Variants in KHDRBS2 observed in about 807,000 individuals in gnomAD.
KHDRBS2 encodes KH domain-containing, RNA-binding, signal transduction-associated protein 2.
Under a neutral mutation model 44.3 loss-of-function variants are expected in KHDRBS2, and 26 were observed. That is an observed-to-expected ratio of 0.59 (90% CI 0.43 to 0.81). The LOEUF is 0.81. KHDRBS2 is among the 40% of genes least tolerant of loss of function. The pLI is 0.00. For missense variants in KHDRBS2, 476 were observed against 433.1 expected, an observed-to-expected ratio of 1.10 and a Z score of -0.88; for synonymous variants, 194 against 151.1, an observed-to-expected ratio of 1.28 and a Z score of -2.08.
chr6:61,573,896 TA>T, the KHDRBS2 span, among the ~76,000 whole-genome samples: 129,491 of 151,862 alleles, frequency 0.85, 55,667 homozygotes, highest in African/African-American at 0.94. Context: ...CTAACTATAC[TA>T]ACTAGTTTAC....
At chr6:62,101,716 G>A (rs1223800915) in intron 2 of KHDRBS2, among the ~76,000 whole-genome samples, 1 of 152,184 alleles carries the variant, frequency 6.6e-6, no homozygotes, top group African/African-American at 2.4e-5. Context: ...GGAAATTAGA[G>A]AATGGATAGA....
chr6:61,848,945 T>G (rs1562296497), intron 6 of KHDRBS2, among the ~76,000 whole-genome samples: 1 of 151,942 alleles, frequency 6.6e-6, no homozygotes, highest in Non-Finnish European at 1.5e-5. Flanking sequence ...GCCGGAAAAA[T>G]TATCCAAATC....
At chr6:61,543,898 G>A in the KHDRBS2 span, among the ~76,000 whole-genome samples, 4 of 151,916 alleles carry the variant, frequency 2.6e-5, no homozygotes, top group African/African-American at 9.7e-5. Context: ...GCTAAAAATC[G>A]AAACAATTGA....
At chr6:61,994,848 A>G (rs12214226) in intron 3 of KHDRBS2, among the ~76,000 whole-genome samples, 31,796 of 151,992 alleles carry the variant, frequency 0.21, 3,451 homozygotes, top group Admixed American at 0.29. Flanking sequence ...GTGAGTAATG[A>G]GAAGGTGCTC....
chr6:61,563,384 G>A, the KHDRBS2 span, among the ~76,000 whole-genome samples: 5 of 152,048 alleles, frequency 3.3e-5, no homozygotes, highest in South Asian at 1.0e-3. Flanking sequence ...GAGTTAGAAG[G>A]TTTTAAACCT....
intron 8 of KHDRBS2, among the ~76,000 whole-genome samples, chr6:61,682,673 A>G (rs1472909434): frequency 6.6e-6 from 1 of 151,924 alleles, no homozygotes; most frequent in Non-Finnish European, 1.5e-5. Context: ...TTACAGAAAA[A>G]GTTTACAGAT....
chr6:61,620,402 G>T, the KHDRBS2 span, among the ~76,000 whole-genome samples: 6 of 152,104 alleles, frequency 3.9e-5, no homozygotes, highest in African/African-American at 1.4e-4. Context: ...TTCCTTTGCT[G>T]AGCCAGAGAG....
At chr6:61,709,048 A>T (rs1415531000) in intron 7 of KHDRBS2, among the ~76,000 whole-genome samples, 1 of 151,698 alleles carries the variant, frequency 6.6e-6, no homozygotes, top group African/African-American at 2.4e-5. Context: ...TGTCTACTTG[A>T]AGTATCAATG....
chr6:62,167,348 G>T (rs1818913501), intron 2 of KHDRBS2, among the ~76,000 whole-genome samples: 1 of 152,010 alleles, frequency 6.6e-6, no homozygotes, highest in South Asian at 2.1e-4. Context: ...CTCAATGTGG[G>T]ATGAAAACAT....
intron 2 of KHDRBS2, among the ~76,000 whole-genome samples, chr6:62,068,733 TA>T (rs1794323831): frequency 6.6e-6 from 1 of 151,594 alleles, no homozygotes; most frequent in Non-Finnish European, 1.5e-5. Flanking sequence ...GTTTTCCCAG[TA>T]CCATTTGTTG....
intron 6 of KHDRBS2, among the ~76,000 whole-genome samples, chr6:61,741,967 A>C (rs1776201675): frequency 6.6e-6 from 1 of 152,032 alleles, no homozygotes; most frequent in African/African-American, 2.4e-5. Flanking sequence ...CAGGCATTAC[A>C]ATAAAATACA....
chr6:61,939,265 T>A (rs1034046962), intron 4 of KHDRBS2, among the ~76,000 whole-genome samples: 2 of 152,152 alleles, frequency 1.3e-5, no homozygotes, highest in Middle Eastern at 3.2e-3. Flanking sequence ...ATAGACACAT[T>A]CAAGTATTCA....
At chr6:61,665,375 C>T in the KHDRBS2 span, among the ~76,000 whole-genome samples, 24 of 151,232 alleles carry the variant, frequency 1.6e-4, no homozygotes, top group African/African-American at 5.3e-4. Flanking sequence ...AGAGGAGTTG[C>T]ATCACTTATA....
intron 2 of KHDRBS2, among the ~76,000 whole-genome samples, chr6:62,151,532 C>G (rs936887759): frequency 2.0e-5 from 3 of 151,920 alleles, no homozygotes; most frequent in Non-Finnish European, 4.4e-5. Context: ...CAAAAGTTAC[C>G]CAAAAAAACC....
intron 3 of KHDRBS2, among the ~76,000 whole-genome samples, chr6:62,019,610 T>C (rs1271742749): frequency 6.6e-6 from 1 of 152,080 alleles, no homozygotes; most frequent in African/African-American, 2.4e-5. Flanking sequence ...TAGTACAAAA[T>C]ATAATTCTTT....
chr6:61,968,458 C>G (rs1188518760), intron 4 of KHDRBS2, among the ~76,000 whole-genome samples: 1 of 151,918 alleles, frequency 6.6e-6, no homozygotes, highest in Non-Finnish European at 1.5e-5. Context: ...AAAGTGAAAA[C>G]AAGAGGTCCC....
chr6:61,689,985 A>T (rs1328819394), intron 8 of KHDRBS2, among the ~76,000 whole-genome samples: 1 of 151,996 alleles, frequency 6.6e-6, no homozygotes, highest in African/African-American at 2.4e-5. Flanking sequence ...AGTCCAGAGC[A>T]TTTAACAATA....
At chr6:62,168,707 G>C (rs146366397) in intron 2 of KHDRBS2, among the ~76,000 whole-genome samples, 24 of 151,938 alleles carry the variant, frequency 1.6e-4, no homozygotes, top group African/African-American at 5.8e-4. Context: ...TTATTCTTTT[G>C]GTATCTGTAA....
At chr6:61,792,758 A>G (rs1784806895) in intron 6 of KHDRBS2, among the ~76,000 whole-genome samples, 1 of 151,962 alleles carries the variant, frequency 6.6e-6, no homozygotes, top group Non-Finnish European at 1.5e-5. Flanking sequence ...AATTTAATAT[A>G]GTATATTTTG....
Sources: allele counts gnomAD v4.1 joint callset (sites outside exome capture counted in the v4.1 genomes callset), GRCh38; gene constraint gnomAD v4.1.1; transcripts MANE v1.5; gene names NCBI Gene and HGNC (gene_info 2026-07-23, HGNC 2026-07-21).